Variants in GALNT9 observed in about 807,000 individuals in gnomAD.
The protein encoded by GALNT9 is polypeptide N-acetylgalactosaminyltransferase 9.
A neutral mutation model predicts 63.1 loss-of-function variants in GALNT9; 47 were observed. The observed-to-expected ratio is 0.75, with a 90% CI of 0.59 to 0.95. The LOEUF (loss-of-function observed/expected upper bound fraction) is 0.95. GALNT9 is among the 40% of genes least tolerant of loss of function. GALNT9 has a pLI of 0.00. For missense variants in GALNT9, 829 were observed against 874.8 expected, an observed-to-expected ratio of 0.95 and a Z score of 0.66; for synonymous variants, 396 against 365.7, an observed-to-expected ratio of 1.08 and a Z score of -0.94.
Position 132,197,834 on chromosome 12 carries a change from C to T in GALNT9, c.1623G>A (p.Glu541=). The T allele has an allele frequency of 6.2e-7, 1 of 1,604,356 alleles. No individual in the cohort carries two copies. The highest frequency in any genetic ancestry group is 8.5e-7 in the Non-Finnish European group (1 of 1,176,704). ...GCCGCTGTGTTGGCCGCGCCACATCCTCACACTTCTTCAGGGTGGGCATGC... is the reference window on the plus strand; with the variant it reads ...GCCGCTGTGTTGGCCGCGCCACATCTTCACACTTCTTCAGGGTGGGCATGC... ...TGRMPTLKKC[E]DVARPTQRLW... Residue 541 remains glutamate (E), a synonymous_variant, in exon 10 of 11, where the codon GAG becomes GAA. Coordinates refer to ENST00000328957, the MANE Select transcript of GALNT9 (RefSeq NM_001122636.2).
intron 1 of GALNT9, among the ~76,000 whole-genome samples, chr12:132,297,439 C>T (rs1881116518): frequency 1.3e-5 from 2 of 151,332 alleles, no homozygotes; most frequent in East Asian, 2.0e-4. Flanking sequence ...ACAATAAAGC[C>T]GCTCCCGAGA....
At position 132,203,611 on chromosome 12, in the gene GALNT9, T is replaced by C; in HGVS notation, c.1157A>G (p.Asn386Ser). 1 of 1,613,922 alleles carries C rather than the reference T, an allele frequency of 6.2e-7. No homozygotes were observed. The highest frequency in any genetic ancestry group is 8.5e-7 in the Non-Finnish European group (1 of 1,179,836). Reference protein sequence around the residue: ...AHIERTRKPYNNDIDYYAKRN... With the variant: ...AHIERTRKPYSNDIDYYAKRN... ...CTTGGCATAGTAGTCAATGTCGTTG[T>C]TGTAGGGCTTCCTGGTGCGCTCGAT... The change falls in exon 7 of 11, where the codon AAC becomes AGC. Residue 386 changes from asparagine (N) to serine (S), a missense_variant. Transcript: ENST00000328957.
At chr12:132,313,025 C>T (rs1300551861) in intron 1 of GALNT9, among the ~76,000 whole-genome samples, 1 of 152,040 alleles carries the variant, frequency 6.6e-6, no homozygotes, top group Non-Finnish European at 1.5e-5. Context: ...ATAGAGTCTC[C>T]TACTATATTT....
rs1593455896 is a variant in GALNT9, at chr12:132,197,109, A to G, written c.1810T>C (p.Ter604ArgextTer21). The change falls in exon 11 of 11, where the codon TGA (stop) becomes CGA (arginine). Residue 604 changes from the stop codon to arginine, a stop_lost. Transcript: ENST00000328957. ...IRNWIKHARH[*>R] ...TGGGGGTCCGGGCGGAGGTGGGGTCAGTGCCGTGCGTGTTTGATCCAGTTT... is the reference window on the plus strand; with the variant it reads ...TGGGGGTCCGGGCGGAGGTGGGGTCGGTGCCGTGCGTGTTTGATCCAGTTT... 6.2e-7 allele frequency: 1 copy of G among 1,614,082 alleles called. No homozygotes were observed. Among genetic ancestry groups the G allele is most frequent in the South Asian group, 1.1e-5 (1 of 91,088 alleles).
intron 1 of GALNT9, among the ~76,000 whole-genome samples, chr12:132,325,706 C>G (rs958767817): frequency 6.6e-6 from 1 of 152,242 alleles, no homozygotes; most frequent in African/African-American, 2.4e-5. Flanking sequence ...TGCTCAGGCC[C>G]AGACCTCTCA....
intron 1 of GALNT9, among the ~76,000 whole-genome samples, chr12:132,294,393 G>A (rs1415389199): frequency 3.9e-5 from 6 of 152,190 alleles, no homozygotes; most frequent in South Asian, 2.1e-4. Context: ...TGTATCACCC[G>A]TGGTCCTTGT....
Position 132,239,361 on chromosome 12 carries a change from GAGAGAGACACAC to G in GALNT9, c.1077+8537_1077+8548del, listed in dbSNP as rs1204651454. ...AGTCAGAGACAGAGTCAGAGACAGA[GAGAGAGACACAC>G]AGAGACAGAGACACAGAGACAGAAA... On this transcript the variant is annotated intron_variant, in intron 6 of 10. Transcript: ENST00000328957. 6.6e-5 allele frequency among the ~76,000 whole-genome samples: 10 copies of G among 150,848 alleles called. No individual in the cohort carries two copies. The Middle Eastern group carries it at 0.01, about 155-fold the overall frequency.
At chr12:132,240,206 G>A (rs1555236774) in intron 6 of GALNT9, among the ~76,000 whole-genome samples, 2 of 152,146 alleles carry the variant, frequency 1.3e-5, no homozygotes, top group African/African-American at 4.8e-5. Context: ...TAAATGGCGG[G>A]GTTGAGTGGG....
intron 9 of GALNT9, among the ~76,000 whole-genome samples, chr12:132,198,733 C>T (rs1875750789): frequency 1.3e-5 from 2 of 152,144 alleles, no homozygotes; most frequent in Non-Finnish European, 2.9e-5. Context: ...CTCAGCTCAA[C>T]CTCCGCATCC....
At chr12:132,256,295 C>T in intron 5 of GALNT9, among the ~76,000 whole-genome samples, 1 of 151,868 alleles carries the variant, frequency 6.6e-6, no homozygotes, top group East Asian at 2.0e-4. Flanking sequence ...CACGCAGACA[C>T]TCTCTTCCAT....
chr12:132,320,199 C>T (rs1043499022), intron 1 of GALNT9, among the ~76,000 whole-genome samples: 4 of 142,428 alleles, frequency 2.8e-5, no homozygotes, highest in Non-Finnish European at 6.1e-5. Context: ...CATCCACACA[C>T]GCGCTTGTTT....
chr12:132,287,122 C>T (rs1226891162), intron 1 of GALNT9, among the ~76,000 whole-genome samples: 1 of 140,640 alleles, frequency 7.1e-6, no homozygotes, highest in East Asian at 2.3e-4. Context: ...AGCATCGGCT[C>T]ATCGACGGTG....
chr12:132,248,864 C>T (rs1378926346), intron 5 of GALNT9, among the ~76,000 whole-genome samples: 13 of 152,246 alleles, frequency 8.5e-5, no homozygotes, highest in Non-Finnish European at 1.8e-4. Context: ...TGCTGCAAAT[C>T]CCCTGGGAAG....
At position 132,282,270 on chromosome 12, in the gene GALNT9, G is replaced by A. The variant is rs1880386213; in HGVS notation, c.419+3980C>T. The stretch of plus-strand genomic sequence containing the variant: ...CCCACATCCCACAGAGGGGGAATCA[G>A]CTCCACTACAGCAAGGCCAGGCCTG... On this transcript the variant is annotated intron_variant, in intron 2 of 10. Coordinates refer to ENST00000328957, the MANE Select transcript of GALNT9 (RefSeq NM_001122636.2). The surrounding 1 kb of genome is among the most constrained non-coding windows in gnomAD (Gnocchi z 4.5). Among the ~76,000 whole-genome samples, 1 of 151,736 alleles carries A rather than the reference G, an allele frequency of 6.6e-6. No homozygotes were observed. The highest frequency in any genetic ancestry group is 2.4e-5 in the African/African-American group (1 of 41,296).
At chr12:132,295,402 G>T (rs944216552) in intron 1 of GALNT9, among the ~76,000 whole-genome samples, 1 of 151,382 alleles carries the variant, frequency 6.6e-6, no homozygotes, top group Non-Finnish European at 1.5e-5. Flanking sequence ...AGAAAAACAG[G>T]CAGAGTCCCA....
chr12:132,291,578 C>T (rs1331472276), intron 1 of GALNT9, among the ~76,000 whole-genome samples: 3 of 151,050 alleles, frequency 2.0e-5, no homozygotes, highest in South Asian at 2.1e-4. Flanking sequence ...ACAGCGCCCA[C>T]GTCCACACCG....
chr12:132,320,682 T>A lies in GALNT9; in HGVS notation c.238+8284A>T, dbSNP rs1357533685. ...GTGGAGGGAAGCTCCCTCGGCATGA[T>A]CTGATTCTCTCCAACTCCATGTCCC... On this transcript the variant is annotated intron_variant, in intron 1 of 10. Transcript: ENST00000328957. Among the ~76,000 whole-genome samples the A allele has an allele frequency of 2.1e-4, 7 of 33,406 alleles. No individual in the cohort carries two copies. The East Asian group carries it at 0.016, about 75-fold the overall frequency. 21.9% of individuals were successfully genotyped at this position (33,406 alleles called of 152,430 possible). A position where few individuals can be genotyped will look rare whatever the true frequency, so the allele number is the denominator to read the frequency against.
intron 5 of GALNT9, among the ~76,000 whole-genome samples, chr12:132,250,918 A>T (rs547632002): frequency 5.9e-5 from 9 of 152,226 alleles, no homozygotes; most frequent in Non-Finnish European, 1.3e-4. Context: ...TCGCCTGCAC[A>T]CGTGCACAGG....
chr12:132,317,689 G>A (rs547918784), intron 1 of GALNT9, among the ~76,000 whole-genome samples: 11 of 152,258 alleles, frequency 7.2e-5, no homozygotes, highest in South Asian at 4.2e-4. Flanking sequence ...GACCCCCCTC[G>A]CTCAGTAGAG....
Sources: allele counts gnomAD v4.1 joint callset (sites outside exome capture counted in the v4.1 genomes callset), GRCh38; gene constraint gnomAD v4.1.1; non-coding constraint Gnocchi (gnomAD v3.1); transcripts MANE v1.5; gene names NCBI Gene and HGNC (gene_info 2026-07-23, HGNC 2026-07-21).